MITF: variants seen among roughly 807,000 people sequenced by gnomAD.
MITF encodes microphthalmia-associated transcription factor.
Under a neutral mutation model 60.5 loss-of-function variants are expected in MITF, and 17 were observed. That is an observed-to-expected ratio of 0.28 (90% CI 0.19 to 0.42). The LOEUF (loss-of-function observed/expected upper bound fraction) is 0.42, where lower values mean the gene tolerates loss of function less well. Ranked by LOEUF, MITF falls within the 10% of genes least tolerant of loss-of-function variation. The pLI, the probability that MITF is intolerant of heterozygous loss-of-function variation, is 1.00. For synonymous variants in MITF, 260 were observed against 248.5 expected (o/e 1.05, Z -0.43); for missense variants, 622 against 683.5 (o/e 0.91, Z 1.00).
At chr3:69,822,643 T>G (rs1243815913) in intron 1 of MITF, among the ~76,000 whole-genome samples, 1 of 152,098 alleles carries the variant, frequency 6.6e-6, no homozygotes, top group Non-Finnish European at 1.5e-5. Flanking sequence ...CAGCTGAGTA[T>G]GAGATAGATA....
rs80040801 is a variant in MITF, at chr3:69,872,853, C to A, written c.105-6281C>A. On this transcript the variant is annotated intron_variant, in intron 1 of 9. Coordinates refer to ENST00000352241, the MANE Select transcript of MITF (RefSeq NM_001354604.2). ...TTGGTGGTTCTTAATTTTTAGAATG[C>A]TTTTCTCCCTATGTACTGTGAAATG... Among the ~76,000 whole-genome samples, 58 of 152,250 alleles carry A rather than the reference C, an allele frequency of 3.8e-4. No homozygotes were observed. The East Asian group carries it at 7.3e-3, about 19-fold the overall frequency.
At chr3:69,889,884 C>T (rs756534674) in intron 2 of MITF, among the ~76,000 whole-genome samples, 4 of 152,190 alleles carry the variant, frequency 2.6e-5, no homozygotes, top group South Asian at 2.1e-4. Context: ...TTCCAGTGCT[C>T]AGCAGCCACA....
At chr3:69,749,862 C>G (rs905994254) in intron 1 of MITF, among the ~76,000 whole-genome samples, 4 of 152,122 alleles carry the variant, frequency 2.6e-5, no homozygotes, top group African/African-American at 9.7e-5. Context: ...TAGGTACACA[C>G]TAATAATATT....
chr3:69,869,585 A>C (rs1485374845), intron 1 of MITF, among the ~76,000 whole-genome samples: 1 of 152,112 alleles, frequency 6.6e-6, no homozygotes, highest in Non-Finnish European at 1.5e-5. Context: ...CAAAATTCAC[A>C]TTCTCTTCCC....
intron 1 of MITF, among the ~76,000 whole-genome samples, chr3:69,831,119 A>G (rs528639339): frequency 1.2e-4 from 18 of 152,314 alleles, no homozygotes; most frequent in Non-Finnish European, 1.9e-4. Flanking sequence ...AGCAGTTAGC[A>G]TAGTACCATA....
intron 2 of MITF, among the ~76,000 whole-genome samples, chr3:69,888,369 A>G (rs972408444): frequency 6.6e-6 from 1 of 151,980 alleles, no homozygotes; most frequent in Non-Finnish European, 1.5e-5. Flanking sequence ...GAAGTAGTAA[A>G]AATTAGATTA....
At chr3:69,758,251 C>G (rs2062160122) in intron 1 of MITF, among the ~76,000 whole-genome samples, 1 of 151,824 alleles carries the variant, frequency 6.6e-6, no homozygotes, top group Admixed American at 6.6e-5. Flanking sequence ...CTTCCTATAG[C>G]CTCAAACTCC....
At chr3:69,926,584 G>A (rs761147880) in intron 2 of MITF, among the ~76,000 whole-genome samples, 8 of 152,118 alleles carry the variant, frequency 5.3e-5, no homozygotes, top group Non-Finnish European at 1.0e-4. Context: ...ACAAAAAGAC[G>A]TCTGCGATTC....
intron 1 of MITF, among the ~76,000 whole-genome samples, chr3:69,773,550 G>T (rs1266038039): frequency 1.3e-5 from 2 of 152,100 alleles, no homozygotes; most frequent in African/African-American, 4.8e-5. Flanking sequence ...AATGCTTGTG[G>T]GTTGGATAGT....
chr3:69,766,597 A>G (rs527733295), intron 1 of MITF, among the ~76,000 whole-genome samples: 7 of 152,126 alleles, frequency 4.6e-5, no homozygotes, highest in African/African-American at 1.7e-4. Flanking sequence ...TGTTGAATCA[A>G]TGAATGAGTG....
rs543207383 is a variant in MITF, at chr3:69,958,098, T to C, written c.1032-1175T>C. Among the ~76,000 whole-genome samples the C allele has an allele frequency of 2.6e-5, 4 of 152,330 alleles. No homozygotes were observed. In the South Asian group the frequency reaches 8.3e-4, roughly 32 times the overall value. Reference sequence around the variant, plus strand: ...CCCTTTCTTAAACTCAGAAGCATAATTGATTGATTGGATCTCACAAGGAAG... The same window carrying C: ...CCCTTTCTTAAACTCAGAAGCATAACTGATTGATTGGATCTCACAAGGAAG... On this transcript the variant is annotated intron_variant, in intron 8 of 9. Transcript: ENST00000352241.
chr3:69,809,902 T>C (rs1026691637), intron 1 of MITF, among the ~76,000 whole-genome samples: 8 of 152,206 alleles, frequency 5.3e-5, no homozygotes, highest in Non-Finnish European at 2.9e-5. Context: ...GCGTCTCTCT[T>C]CTTTTGCTTC....
intron 1 of MITF, among the ~76,000 whole-genome samples, chr3:69,816,175 C>T (rs2063178631): frequency 6.6e-6 from 1 of 152,130 alleles, no homozygotes; most frequent in Non-Finnish European, 1.5e-5. Flanking sequence ...TCTGCATATA[C>T]ACATTACTAT....
At chr3:69,757,816 G>A (rs1197353471) in intron 1 of MITF, among the ~76,000 whole-genome samples, 2 of 151,910 alleles carry the variant, frequency 1.3e-5, no homozygotes, top group East Asian at 3.9e-4. Flanking sequence ...AGTATAAAAG[G>A]ATTCTTAATA....
chr3:69,852,595 A>C (rs1431773260), intron 1 of MITF, among the ~76,000 whole-genome samples: 1 of 152,188 alleles, frequency 6.6e-6, no homozygotes, highest in Non-Finnish European at 1.5e-5. Flanking sequence ...GTTCTGCACT[A>C]TTATGAGCAG....
chr3:69,947,547 G>A (rs1196549371), intron 5 of MITF, among the ~76,000 whole-genome samples: 1 of 152,146 alleles, frequency 6.6e-6, no homozygotes, highest in African/African-American at 2.4e-5. Context: ...TAGTTAGAGG[G>A]CCTTGAAATA....
At chr3:69,875,944 A>G (rs2064344074) in intron 1 of MITF, among the ~76,000 whole-genome samples, 1 of 152,222 alleles carries the variant, frequency 6.6e-6, no homozygotes, top group Non-Finnish European at 1.5e-5. Flanking sequence ...TTTTGCAGGA[A>G]GATTTATTAA....
At chr3:69,910,304 C>T (rs1475118452) in intron 2 of MITF, among the ~76,000 whole-genome samples, 1 of 152,212 alleles carries the variant, frequency 6.6e-6, no homozygotes, top group Non-Finnish European at 1.5e-5. Flanking sequence ...TGCCTGGATG[C>T]TCAGGCAAAA....
chr3:69,957,776 C>CGTTGTATTAGAA (rs2066436271), intron 8 of MITF, among the ~76,000 whole-genome samples: 1 of 152,128 alleles, frequency 6.6e-6, no homozygotes, highest in African/African-American at 2.4e-5. Context: ...CTTCTTTCCC[C>CGTTGTATTAGAA]GTTGTATTAG....
Sources: gnomAD v4.1 joint callset for allele counts (sites outside exome capture counted in the v4.1 genomes callset) on GRCh38, gnomAD v4.1.1 for gene constraint, MANE v1.5 for transcripts, NCBI Gene and HGNC (gene_info 2026-07-23, HGNC 2026-07-21) for gene names.